CPAMD8: variants seen among roughly 807,000 people sequenced by gnomAD.
CPAMD8 encodes the protein C3 and PZP-like alpha-2-macroglobulin domain-containing protein 8.
CPAMD8 carries 146 observed loss-of-function variants against 224.7 expected under a neutral mutation model. The ratio of observed to expected loss-of-function variants is 0.65; its 90% CI spans 0.57 to 0.75. CPAMD8 has a LOEUF of 0.75. CPAMD8 is among the 30% of genes least tolerant of loss of function. The pLI is 0.00. For missense variants in CPAMD8, 2,301 were observed against 2,537.5 expected (o/e 0.91, Z 2.00); for synonymous variants, 966 against 1,044.6 (o/e 0.92, Z 1.45).
intron 18 of CPAMD8, among the ~76,000 whole-genome samples, chr19:16,962,391 G>T (rs546670639): frequency 6.6e-6 from 1 of 152,136 alleles, no homozygotes; most frequent in African/African-American, 2.4e-5. Flanking sequence ...ACTTTGTGAC[G>T]CAGGCACAAG....
In CPAMD8 at chr19:16,996,151, A is replaced by AAAAT. The variant is rs899014601; in HGVS notation, c.1095+956_1095+959dup. The stretch of plus-strand genomic sequence containing the variant: ...GGCGACAGAGCGAGACTCTTGTCTC[A>AAAAT]AAATAAATAAATAAATAAAAATTTA... On this transcript the variant is annotated intron_variant, in intron 11 of 41. Transcript: ENST00000443236. Among the ~76,000 whole-genome samples the AAAAT allele has an allele frequency of 2.6e-4, 39 of 152,164 alleles. No homozygotes were observed. The Middle Eastern group carries it at 0.014, about 53-fold the overall frequency.
At chr19:16,957,368 G>C (rs985017565) in intron 19 of CPAMD8, among the ~76,000 whole-genome samples, 8 of 152,184 alleles carry the variant, frequency 5.3e-5, no homozygotes, top group African/African-American at 1.9e-4. Flanking sequence ...GCTGAGCATT[G>C]CAAGAAAAAA....
intron 27 of CPAMD8, among the ~76,000 whole-genome samples, chr19:16,921,524 A>T (rs112313969): frequency 4.3e-4 from 66 of 152,100 alleles, no homozygotes; most frequent in African/African-American, 1.5e-3. Flanking sequence ...CCCCAGCCTC[A>T]AGGTGCTGGT....
chr19:17,005,162 T>C (rs561643290), intron 7 of CPAMD8, among the ~76,000 whole-genome samples: 5 of 148,602 alleles, frequency 3.4e-5, no homozygotes, highest in Non-Finnish European at 7.5e-5. Flanking sequence ...CTCTACAATA[T>C]AACAACCTAA....
At chr19:16,916,938 A>C (rs2052984815) in intron 27 of CPAMD8, among the ~76,000 whole-genome samples, 1 of 152,066 alleles carries the variant, frequency 6.6e-6, no homozygotes, top group African/African-American at 2.4e-5. Flanking sequence ...AACCAGGGGG[A>C]AACTCCATGC....
At chr19:17,008,619 C>T (rs2056559180) in intron 6 of CPAMD8, 60 bp from the exon 7 acceptor site, 2 of 1,559,920 alleles carry the variant, frequency 1.3e-6, no homozygotes, top group Non-Finnish European at 1.8e-6. Flanking sequence ...TAGCATGTGC[C>T]CAATGTAAGG....
At position 16,975,156 on chromosome 19, in the gene CPAMD8, G is replaced by C; in HGVS notation, c.2011C>G (p.Arg671Gly). The change falls in exon 17 of 42, where the codon CGC becomes GGC. Residue 671 changes from arginine (R) to glycine (G), a missense_variant. Arg to Gly is a moderately radical substitution (Grantham distance 125, BLOSUM62 -2). Transcript: ENST00000443236. ...CAAGGCCACGGGAAGACAGAGGAGC[G>C]CCGGCGTCGTTGTGCCGTCAGCCCA... ...WAGLTAQRRR[R>G]SSVFPWPWGI... 1 of 1,612,730 alleles carries C rather than the reference G, an allele frequency of 6.2e-7. No homozygotes were observed. Among genetic ancestry groups the C allele is most frequent in the Non-Finnish European group, 8.5e-7 (1 of 1,179,510 alleles).
intron 23 of CPAMD8, among the ~76,000 whole-genome samples, chr19:16,936,897 AAT>A (rs1215271125): frequency 6.6e-6 from 1 of 152,106 alleles, no homozygotes; most frequent in Non-Finnish European, 1.5e-5. Context: ...TTTATTTATT[AAT>A]GTTTCCTTTT....
intron 22 of CPAMD8, among the ~76,000 whole-genome samples, chr19:16,940,079 T>C (rs2053836545): frequency 6.6e-6 from 1 of 151,928 alleles, no homozygotes; most frequent in African/African-American, 2.4e-5. Flanking sequence ...GCCCAGCTAA[T>C]TTTTGTACTT....
chr19:16,904,446 G>C lies in CPAMD8; in HGVS notation c.4114+20C>G. On this transcript the variant is annotated intron_variant, in intron 31 of 41. Coordinates refer to ENST00000443236, the MANE Select transcript of CPAMD8 (RefSeq NM_015692.5). ...GAGGTATGGCCAAGGCAGGCACCCG[G>C]GAGCTGGGGTGGCCAGTACCTGACT... 1 of 1,613,934 alleles carries C rather than the reference G, an allele frequency of 6.2e-7. No homozygotes were observed. Among genetic ancestry groups the C allele is most frequent in the Non-Finnish European group, 8.5e-7 (1 of 1,179,792 alleles).
intron 18 of CPAMD8, among the ~76,000 whole-genome samples, chr19:16,958,804 C>CT (rs200136563): frequency 0.19 from 27,155 of 143,084 alleles, 2,747 homozygotes; most frequent in Admixed American, 0.25. Context: ...CTTTTTTTTT[C>CT]TTTTTTTTTT....
chr19:16,912,753 GA>G (rs567519466), intron 29 of CPAMD8, among the ~76,000 whole-genome samples: 19 of 147,980 alleles, frequency 1.3e-4, no homozygotes, highest in Admixed American at 4.7e-4. Context: ...GCAGTGAGCT[GA>G]AAAAAAAAAG....
At chr19:16,976,555 C>T (rs1023307059) in intron 15 of CPAMD8, among the ~76,000 whole-genome samples, 6 of 151,996 alleles carry the variant, frequency 3.9e-5, no homozygotes, top group Non-Finnish European at 8.8e-5. Context: ...ACCCATGCAC[C>T]CCCTGCCCAC....
At chr19:16,999,596 A>AG (rs57093144) in intron 10 of CPAMD8, among the ~76,000 whole-genome samples, 27,181 of 150,100 alleles carry the variant, frequency 0.18, 2,761 homozygotes, top group African/African-American at 0.27. Flanking sequence ...AAAAAAAAAA[A>AG]AAAAGAAAAG....
At chr19:17,018,029 T>TAA (rs35265697) in intron 3 of CPAMD8, among the ~76,000 whole-genome samples, 58 of 132,914 alleles carry the variant, frequency 4.4e-4, no homozygotes, top group South Asian at 1.5e-3. Flanking sequence ...CAAGACTGCT[T>TAA]AAAAAAAAAA....
At position 17,026,553 on chromosome 19, in the gene CPAMD8, G is replaced by A; in HGVS notation, c.90C>T (p.Ala30=). Residue 30 remains alanine (A), a splice_region_variant and synonymous_variant, in exon 1 of 42, where the codon GCC becomes GCT. Coordinates refer to ENST00000443236, the MANE Select transcript of CPAMD8 (RefSeq NM_015692.5). The part of the protein sequence containing the change: ...RDGVRAAQPQ[A]PGYLIAAPSV... ...CTCTGTCGCCGGAGGATACTCACGG[G>A]GCCTGAGGCTGCGCGGCGCGCACGC... 2.0e-6 allele frequency: 3 copies of A among 1,518,454 alleles called. No individual in the cohort carries two copies. Among genetic ancestry groups the A allele is most frequent in the Non-Finnish European group, 2.6e-6 (3 of 1,142,144 alleles). The allele number at this position is 1,518,454 out of a possible 1,614,324, so 94.1% of individuals were successfully genotyped here.
chr19:17,000,689 G>A (rs537743369), intron 9 of CPAMD8, among the ~76,000 whole-genome samples, 167 bp from the exon 10 acceptor site: 6 of 152,234 alleles, frequency 3.9e-5, no homozygotes, highest in South Asian at 2.1e-4. Context: ...GCCTGGAATC[G>A]GGACAGAAGA....
chr19:16,904,552 T>C lies in CPAMD8; in HGVS notation c.4028A>G (p.Asp1343Gly), dbSNP rs748808839. 1.9e-6 allele frequency: 3 copies of C among 1,610,216 alleles called. No individual in the cohort carries two copies. The highest frequency in any genetic ancestry group is 2.2e-5 in the South Asian group (2 of 91,014). Residue 1343 changes from aspartate to glycine, a missense_variant and splice_region_variant, in exon 31 of 42, where the codon GAT becomes GGT. Physicochemically the swap from Asp to Gly is moderately conservative, Grantham distance 94. Coordinates refer to ENST00000443236, the MANE Select transcript of CPAMD8 (RefSeq NM_015692.5). ...RKLRSLAIMR[D>G]GVTHWSLSNS... ...TGACAGGCTCCAGTGGGTGACCCCATCTGCAAGGAAAGGAGTGGTCAAGAG... is the reference window on the plus strand; with the variant it reads ...TGACAGGCTCCAGTGGGTGACCCCACCTGCAAGGAAAGGAGTGGTCAAGAG...
chr19:17,000,634 A>T, intron 9 of CPAMD8, 112 bp from the exon 10 acceptor site: 1 of 618,074 alleles, frequency 1.6e-6, no homozygotes, highest in Non-Finnish European at 3.0e-6. Flanking sequence ...TGATGGATGC[A>T]GCTCCCTCCA....
Sources: allele counts gnomAD v4.1 joint callset (sites outside exome capture counted in the v4.1 genomes callset), GRCh38; gene constraint gnomAD v4.1.1; transcripts MANE v1.5; gene names NCBI Gene and HGNC (gene_info 2026-07-23, HGNC 2026-07-21).